ANKRD7: variants seen among roughly 807,000 people sequenced by gnomAD.
ANKRD7 encodes the protein ankyrin repeat domain 7.
In ANKRD7, 30 loss-of-function variants were observed where a neutral mutation model predicts 30.8. The observed-to-expected ratio is 0.97, with a 90% confidence interval of 0.73 to 1.32. The LOEUF (loss-of-function observed/expected upper bound fraction) is 1.32. ANKRD7 is among the 40% of genes most tolerant of loss of function. ANKRD7 has a pLI of 0.00. For synonymous variants in ANKRD7, 97 were observed against 106.6 expected (o/e 0.91, Z 0.55); for missense variants, 264 against 295.7 (o/e 0.89, Z 0.79).
rs759731636 is a variant in ANKRD7, at chr7:118,236,113, G to A, written c.541G>A (p.Gly181Arg). The A allele has an allele frequency of 1.2e-6, 2 of 1,606,422 alleles. No homozygotes were observed. Among genetic ancestry groups the A allele is most frequent in the South Asian group, 2.2e-5 (2 of 90,364 alleles). Residue 181 changes from glycine (G) to arginine (R), a missense_variant, in exon 4 of 7, where the codon GGG (glycine) becomes AGG (arginine). Gly to Arg is a moderately radical substitution (Grantham distance 125, BLOSUM62 -2). Transcript: ENST00000265224. The part of the protein sequence containing the change: ...PKMVKFLLEK[G>R]ADVNASDNYQ... The stretch of plus-strand genomic sequence containing the variant: ...AATGGTAAAATTTCTTCTGGAGAAA[G>A]GGGCTGATGTGAATGCTTCAGATAA...
chr7:118,241,250 T>G (rs1809836370), intron 6 of ANKRD7, among the ~76,000 whole-genome samples: 1 of 151,340 alleles, frequency 6.6e-6, no homozygotes, highest in African/African-American at 2.4e-5. Flanking sequence ...TTACACTGAC[T>G]TTTGTTGGAT....
intron 1 of ANKRD7, among the ~76,000 whole-genome samples, chr7:118,233,152 C>T (rs1368323249): frequency 6.6e-6 from 1 of 152,084 alleles, no homozygotes; most frequent in Non-Finnish European, 1.5e-5. Flanking sequence ...TTGAGGGAAA[C>T]ATAATTTAGA....
intron 1 of ANKRD7, among the ~76,000 whole-genome samples, chr7:118,228,354 G>T (rs2115997092): frequency 6.6e-6 from 1 of 152,198 alleles, no homozygotes; most frequent in Non-Finnish European, 1.5e-5. Flanking sequence ...TTTATACTTA[G>T]ATATATAATA....
intron 4 of ANKRD7, 96 bp downstream of exon 4, chr7:118,236,243 C>A: frequency 2.4e-6 from 1 of 418,870 alleles, no homozygotes; most frequent in South Asian, 4.4e-5. Context: ...TGTGTGTCCA[C>A]AAAACACAAT....
chr7:118,225,044 G>A (rs779066041), intron 1 of ANKRD7, 35 bp downstream of exon 1: 1 of 1,610,120 alleles, frequency 6.2e-7, no homozygotes, highest in Non-Finnish European at 8.5e-7. Flanking sequence ...GGGAGGACGG[G>A]TTGGGGCCTG....
At chr7:118,233,038 A>G (rs543535188) in intron 1 of ANKRD7, among the ~76,000 whole-genome samples, 1 of 152,302 alleles carries the variant, frequency 6.6e-6, no homozygotes, top group African/African-American at 2.4e-5. Context: ...AAATGTGAAC[A>G]GAAAGCTTAA....
At chr7:118,236,429 TTAGACTCTTACA>T (rs1021303717) in intron 4 of ANKRD7, among the ~76,000 whole-genome samples, 1 of 152,162 alleles carries the variant, frequency 6.6e-6, no homozygotes, top group Non-Finnish European at 1.5e-5. Flanking sequence ...GAATTTAACA[TTAGACTCTTACA>T]TAGATGACCA....
In ANKRD7 at chr7:118,239,799, T is replaced by C. The variant is rs545972486; in HGVS notation, c.713-110T>C. On this transcript the variant is annotated intron_variant, in intron 5 of 6. Coordinates refer to ENST00000265224, the MANE Select transcript of ANKRD7 (RefSeq NM_019644.4). ...AAGAGGAAGCTTGTCCTCAAGTGTG[T>C]TACATTCTTGGGGCAGCATTGGCTG... 1.3e-5 allele frequency: 7 copies of C among 535,632 alleles called. No homozygotes were observed. In the South Asian group the frequency reaches 3.4e-4, roughly 26 times the overall value. The allele number at this position is 535,632 out of a possible 1,614,324, so 33.2% of individuals were successfully genotyped here.
chr7:118,229,616 A>G (rs566509347), intron 1 of ANKRD7, among the ~76,000 whole-genome samples: 1 of 152,284 alleles, frequency 6.6e-6, no homozygotes, highest in Non-Finnish European at 1.5e-5. Context: ...ATGCAAAAAT[A>G]TGGGTGAATC....
intron 6 of ANKRD7, among the ~76,000 whole-genome samples, chr7:118,240,930 G>A (rs1221325029): frequency 1.3e-5 from 2 of 151,088 alleles, no homozygotes; most frequent in Admixed American, 6.6e-5. Context: ...CGAGGCGGGT[G>A]GATCATGAGG....
intron 5 of ANKRD7, 63 bp from the exon 6 acceptor site, chr7:118,239,846 T>A (rs973331369): frequency 8.8e-7 from 1 of 1,141,180 alleles, no homozygotes; most frequent in African/African-American, 1.5e-5. Context: ...TTTGATTTGA[T>A]ACTTATATGT....
chr7:118,240,216 G>A (rs1040329246), intron 6 of ANKRD7, among the ~76,000 whole-genome samples: 2 of 151,722 alleles, frequency 1.3e-5, no homozygotes, highest in Non-Finnish European at 2.9e-5. Context: ...CATTGTGCAG[G>A]TTAGTTACAT....
chr7:118,238,017 T>C (rs1809761492), intron 5 of ANKRD7, among the ~76,000 whole-genome samples: 1 of 152,156 alleles, frequency 6.6e-6, no homozygotes, highest in South Asian at 2.1e-4. Flanking sequence ...AAGACACATG[T>C]ATCTGTTTAG....
rs1020223149 is a variant in ANKRD7 at position 118,234,685 on chromosome 7, C to G, written c.295-16C>G. On this transcript the variant is annotated splice_polypyrimidine_tract_variant and intron_variant, in intron 2 of 6. Transcript: ENST00000265224. ...GTAGTAAATTGGTTACTCATCTACTCTTGTTGCATTAACAGGCAGTACAGT... is the reference window on the plus strand; with the variant it reads ...GTAGTAAATTGGTTACTCATCTACTGTTGTTGCATTAACAGGCAGTACAGT... 5 of 1,597,106 alleles carry G rather than the reference C, an allele frequency of 3.1e-6. No homozygotes were observed. The highest frequency in any genetic ancestry group is 4.3e-6 in the Non-Finnish European group (5 of 1,173,838).
chr7:118,235,876 G>A (rs183480413), intron 3 of ANKRD7, among the ~76,000 whole-genome samples, 165 bp from the exon 4 acceptor site: 3 of 151,938 alleles, frequency 2.0e-5, no homozygotes, highest in Non-Finnish European at 4.4e-5. Context: ...ACCCTGATTT[G>A]TTTTCTTGGT....
At chr7:118,236,207 C>T (rs7456639) in intron 4 of ANKRD7, 60 bp downstream of exon 4, 182 of 595,784 alleles carry the variant, frequency 3.1e-4, no homozygotes, top group African/African-American at 1.8e-3. Context: ...TGTGTGTGTG[C>T]GTATGTGTGT....
In ANKRD7 at chr7:118,239,931, G is replaced by A. The variant is rs200629473; in HGVS notation, c.735G>A (p.Ala245=). Residue 245 remains alanine, a synonymous_variant, in exon 6 of 7, where the codon GCG becomes GCA. Transcript: ENST00000265224. The part of the protein sequence containing the change: ...VLLHRYPQFT[A]SHGKKKHAK ...TAGATAGATACCCACAATTCACTGC[G>A]AGCCATGGAAAGAAGAAACATGCTA... The A allele has an allele frequency of 6.9e-6, 11 of 1,596,286 alleles. No homozygotes were observed. In the Middle Eastern group the frequency reaches 5.0e-4, roughly 73 times the overall value.
intron 1 of ANKRD7, chr7:118,228,108 A>G: frequency 1.6e-6 from 2 of 1,213,238 alleles, no homozygotes; most frequent in South Asian, 1.4e-5. Context: ...ATTGTCTTTC[A>G]GAACACTGGG....
At chr7:118,225,347 G>T (rs999120868) in intron 1 of ANKRD7, among the ~76,000 whole-genome samples, 2 of 152,084 alleles carry the variant, frequency 1.3e-5, no homozygotes, top group African/African-American at 4.8e-5. Context: ...AATTAGTGGG[G>T]CGTGGTGGCG....
Sources: allele counts gnomAD v4.1 joint callset (sites outside exome capture counted in the v4.1 genomes callset), GRCh38; gene constraint gnomAD v4.1.1; transcripts MANE v1.5; gene names NCBI Gene and HGNC (gene_info 2026-07-23, HGNC 2026-07-21).